Variants in CDYL observed in about 807,000 individuals in gnomAD.
CDYL encodes the protein chromodomain Y-like protein.
CDYL carries 8 observed loss-of-function variants against 47.3 expected under a neutral mutation model. The observed-to-expected ratio is 0.17, with a 90% CI of 0.10 to 0.31. The LOEUF is 0.31. CDYL is among the 10% of genes least tolerant of loss of function. CDYL has a pLI of 1.00. For synonymous variants in CDYL, 266 were observed against 265.0 expected, an observed-to-expected ratio of 1.00 and a Z score of -0.04; for missense variants, 471 against 701.4, an observed-to-expected ratio of 0.67 and a Z score of 3.71.
rs1491395482 is a variant in CDYL at position 4,717,740 on chromosome 6, A to AAAAAAAAAAAAAAAAT, written c.103+1859_103+1860insAAAAAAAAAAAAAAAT. Among the ~76,000 whole-genome samples, 10 of 118,822 alleles carry AAAAAAAAAAAAAAAAT rather than the reference A, an allele frequency of 8.4e-5. 2 individuals carry two copies. The highest frequency in any genetic ancestry group is 2.3e-4 in the African/African-American group (7 of 30,052). The allele number at this position is 118,822 out of a possible 152,430, so 78.0% of individuals were successfully genotyped here. On this transcript the variant is annotated intron_variant, in intron 2 of 8. Coordinates refer to the CDYL transcript ENST00000328908. Reference sequence around the variant, plus strand: ...AAAAAAAAAAAAAAAAAAAAAAAAAATTAAAAATTGAAAGGGATTTTTGTT... The same window carrying AAAAAAAAAAAAAAAAT: ...AAAAAAAAAAAAAAAAAAAAAAAAAAAAAAAAAAAAAAAAATTTAAAAATTGAAAGGGATTTTTGTT...
At chr6:4,819,894 A>G (rs1311806548) in intron 1 of CDYL, among the ~76,000 whole-genome samples, 1 of 152,194 alleles carries the variant, frequency 6.6e-6, no homozygotes, top group African/African-American at 2.4e-5. Context: ...CCCAGATGCC[A>G]GTAGTGCTGA....
intron 2 of CDYL, among the ~76,000 whole-genome samples, chr6:4,897,672 T>A (rs1005075645): frequency 6.6e-6 from 1 of 151,872 alleles, no homozygotes; most frequent in Admixed American, 6.6e-5. Flanking sequence ...ATCCCAGCGC[T>A]TTGGGAAGCT....
chr6:4,858,947 A>G (rs1761088401), intron 1 of CDYL, among the ~76,000 whole-genome samples: 5 of 152,246 alleles, frequency 3.3e-5, no homozygotes, highest in Non-Finnish European at 5.9e-5. Context: ...AATGTTACCC[A>G]GGTTAAATGT....
intron 3 of CDYL, among the ~76,000 whole-genome samples, chr6:4,757,819 T>C (rs1758099216): frequency 6.6e-6 from 1 of 152,182 alleles, no homozygotes; most frequent in Admixed American, 6.5e-5. Context: ...GGAGGATTAC[T>C]TGAGCCTAGG....
At chr6:4,894,900 CACGT>C (rs1561692384) in intron 2 of CDYL, among the ~76,000 whole-genome samples, 7 of 142,378 alleles carry the variant, frequency 4.9e-5, no homozygotes, top group African/African-American at 2.0e-4. Context: ...TATATATACA[CACGT>C]ACGTGTGTAT....
rs1758103407 is a variant in CDYL, at chr6:4,933,813, G to A, written c.692-1702G>A. ...GAGATTTGACAGCACTGGGATGACAGAGGTCAGGATTATGTGTCACTGTGT... is the reference window on the plus strand; with the variant it reads ...GAGATTTGACAGCACTGGGATGACAAAGGTCAGGATTATGTGTCACTGTGT... On this transcript the variant is annotated intron_variant, in intron 2 of 6. Transcript: ENST00000397588. 4.6e-5 allele frequency among the ~76,000 whole-genome samples: 7 copies of A among 152,202 alleles called. No homozygotes were observed. The South Asian group carries it at 1.4e-3, about 32-fold the overall frequency.
At chr6:4,860,758 C>T (rs1268683554) in intron 1 of CDYL, among the ~76,000 whole-genome samples, 2 of 151,836 alleles carry the variant, frequency 1.3e-5, no homozygotes, top group Admixed American at 1.3e-4. Context: ...AGTCCCCAAA[C>T]TGAAGAACTT....
chr6:4,851,579 T>C (rs1760828006), intron 1 of CDYL, among the ~76,000 whole-genome samples: 1 of 152,096 alleles, frequency 6.6e-6, no homozygotes, highest in Non-Finnish European at 1.5e-5. Flanking sequence ...GACGATTTGC[T>C]CGGCCGTTTG....
intron 6 of CDYL, among the ~76,000 whole-genome samples, chr6:4,952,882 T>C (rs1758751331): frequency 6.6e-6 from 1 of 152,010 alleles, no homozygotes; most frequent in African/African-American, 2.4e-5. Context: ...ATGCTTGTGC[T>C]TCAGCCTCCC....
chr6:4,745,482 A>G (rs551152506), intron 3 of CDYL, among the ~76,000 whole-genome samples: 1 of 152,192 alleles, frequency 6.6e-6, no homozygotes, highest in Admixed American at 6.5e-5. Flanking sequence ...CACGCCTGTA[A>G]TCTCAGCACT....
chr6:4,777,880 A>G (rs1015451371), intron 1 of CDYL, among the ~76,000 whole-genome samples: 5 of 152,198 alleles, frequency 3.3e-5, no homozygotes, highest in African/African-American at 1.2e-4. Flanking sequence ...AAGTGTTTGC[A>G]GAAGTTCTCA....
chr6:4,834,091 T>C (rs1341722893), intron 1 of CDYL, among the ~76,000 whole-genome samples: 1 of 151,094 alleles, frequency 6.6e-6, no homozygotes, highest in Non-Finnish European at 1.5e-5. Context: ...TTAATATTGT[T>C]ATGTGTGAAT....
chr6:4,828,188 C>T (rs1012310708), intron 1 of CDYL, among the ~76,000 whole-genome samples: 11 of 150,788 alleles, frequency 7.3e-5, no homozygotes, highest in African/African-American at 2.7e-4. Flanking sequence ...TTACTTTCCC[C>T]CTCAGTTTCA....
chr6:4,732,087 C>T (rs774413504), intron 2 of CDYL, among the ~76,000 whole-genome samples: 8 of 152,178 alleles, frequency 5.3e-5, no homozygotes, highest in Non-Finnish European at 1.0e-4. Context: ...GTAATCCCAG[C>T]ACTCTGGGAG....
chr6:4,769,965 T>TTTTGTG (rs1554134887), intron 3 of CDYL, among the ~76,000 whole-genome samples: 1 of 137,816 alleles, frequency 7.3e-6, no homozygotes, highest in Non-Finnish European at 1.6e-5. Flanking sequence ...CCCGGCTAAT[T>TTTTGTG]TGTGTGTGTG....
chr6:4,776,323 G>GA (rs1423246495), upstream of CDYL: 1 of 144,548 alleles, frequency 6.9e-6, no homozygotes, highest in Non-Finnish European at 1.5e-5. Flanking sequence ...CGGGCGGCCC[G>GA]AAAACCCGGA....
At chr6:4,753,700 G>C (rs956570667) in intron 3 of CDYL, among the ~76,000 whole-genome samples, 2 of 152,174 alleles carry the variant, frequency 1.3e-5, no homozygotes, top group African/African-American at 4.8e-5. Flanking sequence ...GGATTTTATG[G>C]AGAACCTGAT....
chr6:4,860,912 A>G (rs1370852523), intron 1 of CDYL, among the ~76,000 whole-genome samples: 2 of 152,108 alleles, frequency 1.3e-5, no homozygotes, highest in Non-Finnish European at 2.9e-5. Context: ...GATGAAGGGT[A>G]GATCTGCCTT....
intron 2 of CDYL, among the ~76,000 whole-genome samples, chr6:4,897,760 T>TGAA (rs1762323703): frequency 6.7e-6 from 1 of 150,144 alleles, no homozygotes; most frequent in South Asian, 2.1e-4. Flanking sequence ...TTCATAAAAA[T>TGAA]AACTATTTTC....
Sources: allele counts gnomAD v4.1 joint callset (sites outside exome capture counted in the v4.1 genomes callset), GRCh38; gene constraint gnomAD v4.1.1; transcripts MANE v1.5; gene names NCBI Gene and HGNC (gene_info 2026-07-23, HGNC 2026-07-21).